The following CUX1 variants were observed in gnomAD, a reference collection of about 807,000 sequenced individuals.
CUX1 encodes the protein protein CASP.
A neutral mutation model predicts 158.8 loss-of-function variants in CUX1; 31 were observed. That is an observed-to-expected ratio of 0.20 (90% CI 0.15 to 0.26). The LOEUF (loss-of-function observed/expected upper bound fraction) is 0.26. CUX1 is among the 10% of genes least tolerant of loss of function. The pLI, the probability that CUX1 is intolerant of heterozygous loss-of-function variation, is 1.00. For missense variants in CUX1, 1,589 were observed against 2,014.6 expected (o/e 0.79, Z 4.04); for synonymous variants, 879 against 862.1 (o/e 1.02, Z -0.34).
chr7:102,176,465 C>T (rs1237302175), intron 10 of CUX1, among the ~76,000 whole-genome samples: 1 of 151,996 alleles, frequency 6.6e-6, no homozygotes, highest in African/African-American at 2.4e-5. Flanking sequence ...CACCATGCAG[C>T]TCTGCCCTCT....
intron 2 of CUX1, among the ~76,000 whole-genome samples, chr7:102,024,078 T>A (rs944755671): frequency 1.3e-5 from 2 of 152,344 alleles, no homozygotes; most frequent in Middle Eastern, 3.4e-3. Context: ...GAGCTGGTGT[T>A]TGCGTGAGGC....
At chr7:102,030,364 A>G (rs1283994348) in intron 3 of CUX1, among the ~76,000 whole-genome samples, 1 of 150,006 alleles carries the variant, frequency 6.7e-6, no homozygotes, top group African/African-American at 2.5e-5. Context: ...CACCCCATGT[A>G]CCTCCCCCCT....
At chr7:102,123,658 G>T (rs1832308325) in intron 8 of CUX1, among the ~76,000 whole-genome samples, 1 of 150,834 alleles carries the variant, frequency 6.6e-6, no homozygotes, top group East Asian at 1.9e-4. Flanking sequence ...CAGTCCTACT[G>T]CTTTTTTTTA....
At chr7:102,262,008 C>T (rs1400118654), downstream of CUX1, among the ~76,000 whole-genome samples, 2 of 152,248 alleles carry the variant, frequency 1.3e-5, no homozygotes, top group Admixed American at 6.5e-5. Context: ...GTCCCAGCTA[C>T]TTGGGAGGCT....
At chr7:102,162,184 C>T (rs889416257) in intron 9 of CUX1, among the ~76,000 whole-genome samples, 11 of 152,076 alleles carry the variant, frequency 7.2e-5, no homozygotes, top group South Asian at 2.1e-4. Flanking sequence ...TCTCAAGAGC[C>T]GACCAGAAAG....
At chr7:101,975,525 C>T (rs1812557722) in intron 2 of CUX1, among the ~76,000 whole-genome samples, 1 of 152,008 alleles carries the variant, frequency 6.6e-6, no homozygotes, top group South Asian at 2.1e-4. Context: ...TCATGTACTC[C>T]AACCTGGGTG....
chr7:102,206,327 G>A (rs371087775), intron 20 of CUX1, among the ~76,000 whole-genome samples: 47 of 152,252 alleles, frequency 3.1e-4, no homozygotes, highest in African/African-American at 1.0e-3. Context: ...TAGGTGGAGC[G>A]GGTGCCCATT....
chr7:102,083,994 T>C (rs1554479629), intron 4 of CUX1, among the ~76,000 whole-genome samples: 1 of 145,732 alleles, frequency 6.9e-6, no homozygotes, highest in African/African-American at 2.4e-5. Context: ...CAAGCAATTC[T>C]CCTGTCTCAG....
In CUX1 at chr7:102,149,128, C is replaced by A. The variant is rs566814248; in HGVS notation, c.675-9432C>A. On this transcript the variant is annotated intron_variant, in intron 8 of 23. Coordinates refer to ENST00000292535, the MANE Select transcript of CUX1 (RefSeq NM_181552.4). ...AGGATGCCTCGCAACCCCGAGAGAG[C>A]CACTGAAAAGTTGTTACAAAATTGA... Among the ~76,000 whole-genome samples, 7 of 152,210 alleles carry A rather than the reference C, an allele frequency of 4.6e-5. No homozygotes were observed. The East Asian group carries it at 1.2e-3, about 25-fold the overall frequency.
At chr7:102,203,031 A>T (rs914022918) in intron 18 of CUX1, among the ~76,000 whole-genome samples, 9 of 152,238 alleles carry the variant, frequency 5.9e-5, no homozygotes, top group Admixed American at 5.2e-4. Context: ...CAGTGACGCT[A>T]TCTCGGCTCA....
At chr7:101,978,218 A>G (rs989650942) in intron 2 of CUX1, among the ~76,000 whole-genome samples, 2 of 152,146 alleles carry the variant, frequency 1.3e-5, no homozygotes, top group Admixed American at 6.5e-5. Context: ...TGAATATTCA[A>G]CATCTCTACT....
At chr7:102,009,134 C>T (rs1278468506) in intron 2 of CUX1, among the ~76,000 whole-genome samples, 3 of 152,222 alleles carry the variant, frequency 2.0e-5, no homozygotes, top group Non-Finnish European at 4.4e-5. Flanking sequence ...TGGCGCCAGC[C>T]GCACCCAGAG....
At chr7:102,203,291 G>C (rs1354458267) in intron 18 of CUX1, among the ~76,000 whole-genome samples, 10 of 152,096 alleles carry the variant, frequency 6.6e-5, no homozygotes, top group Admixed American at 6.5e-4. Context: ...CCCCTAAAAG[G>C]CACCTTCCTG....
intron 1 of CUX1, among the ~76,000 whole-genome samples, chr7:101,849,402 C>T (rs1187986213): frequency 6.6e-6 from 1 of 151,956 alleles, no homozygotes; most frequent in Non-Finnish European, 1.5e-5. Flanking sequence ...CATTGTTTAG[C>T]TCCCACTTAT....
Position 102,194,960 on chromosome 7 carries a change from G to C in CUX1, c.1126-547G>C, listed in dbSNP as rs182371671. On this transcript the variant is annotated intron_variant, in intron 13 of 23. Coordinates refer to ENST00000292535, the MANE Select transcript of CUX1 (RefSeq NM_181552.4). Reference sequence around the variant, plus strand: ...AATCACTTGAACCCAGGAGCCAGAGGGTACAGTGAGCCAAGATCATGCCAC... The same window carrying C: ...AATCACTTGAACCCAGGAGCCAGAGCGTACAGTGAGCCAAGATCATGCCAC... Among the ~76,000 whole-genome samples, 1,273 of 151,950 alleles carry C rather than the reference G, an allele frequency of 8.4e-3. 7 individuals carry two copies. The highest frequency in any genetic ancestry group is 0.013 in the Non-Finnish European group (891 of 67,968).
intron 1 of CUX1, among the ~76,000 whole-genome samples, chr7:101,859,247 G>A (rs971313018): frequency 1.3e-5 from 2 of 152,346 alleles, no homozygotes; most frequent in East Asian, 3.9e-4. Flanking sequence ...AGCTGGGGGA[G>A]AGGCGGCTTA....
Position 102,102,847 on chromosome 7 carries a change from G to C in CUX1, c.407-1489G>C, listed in dbSNP as rs577619028. On this transcript the variant is annotated intron_variant, in intron 5 of 23. Transcript: ENST00000292535. ...ATCCAGCATGCGGAGTGGCATAGGCGTATCTGGAGGAGGGCGCACGTGGAG... is the reference window on the plus strand; with the variant it reads ...ATCCAGCATGCGGAGTGGCATAGGCCTATCTGGAGGAGGGCGCACGTGGAG... Among the ~76,000 whole-genome samples the C allele has an allele frequency of 1.9e-4, 29 of 152,254 alleles. No individual in the cohort carries two copies. The South Asian group carries it at 5.6e-3, about 29-fold the overall frequency.
chr7:101,880,219 G>A (rs1006142839), intron 1 of CUX1, among the ~76,000 whole-genome samples: 3 of 152,142 alleles, frequency 2.0e-5, no homozygotes, highest in Non-Finnish European at 4.4e-5. Context: ...ACAGGTCATT[G>A]GGTTTGGAGA....
chr7:102,201,368 G>T lies in CUX1; in HGVS notation c.2071G>T (p.Ala691Ser). Residue 691 changes from alanine to serine, a missense_variant, in exon 18 of 24, where the codon GCC (alanine) becomes TCC (serine). Physicochemically the swap from Ala to Ser is moderately conservative, Grantham distance 99. This residue lies in a region of CUX1 where 337 missense variants were observed against 409.3 expected (regional missense o/e 0.82). Transcript: ENST00000292535. This position sits in a 1 kb window ranked among gnomAD's most constrained non-coding sequence, Gnocchi z 5.0. ...CCTGTTTCTCCATGCAGCAGAGCCG[G>T]CCCAGCCTTCCTCCGCATCCGGCAG... ...ELQVQKTAEP[A>S]QPSSASGSGN... The T allele has an allele frequency of 6.2e-7, 1 of 1,613,210 alleles. No homozygotes were observed.
Sources: allele counts gnomAD v4.1 joint callset (sites outside exome capture counted in the v4.1 genomes callset), GRCh38; gene constraint gnomAD v4.1.1; regional missense constraint gnomAD v4.1.1; non-coding constraint Gnocchi (gnomAD v3.1); transcripts MANE v1.5; gene names NCBI Gene and HGNC (gene_info 2026-07-23, HGNC 2026-07-21).